Variants in ACSBG1 observed in about 807,000 individuals in gnomAD.
ACSBG1 encodes the protein acyl-CoA synthetase bubblegum family member 1.
In ACSBG1, 39 loss-of-function variants were observed where a neutral mutation model predicts 80.2. The ratio of observed to expected loss-of-function variants is 0.49; its 90% CI spans 0.38 to 0.64. The LOEUF is 0.64. Ranked by LOEUF, ACSBG1 falls within the 30% of genes least tolerant of loss-of-function variation. The pLI is 0.00. For missense variants in ACSBG1, 828 were observed against 966.4 expected, an observed-to-expected ratio of 0.86 and a Z score of 1.90; for synonymous variants, 392 against 379.5, an observed-to-expected ratio of 1.03 and a Z score of -0.38.
In ACSBG1 at chr15:78,174,371, C is replaced by G; in HGVS notation, c.1842+14G>C. On this transcript the variant is annotated intron_variant, in intron 12 of 13. Transcript: ENST00000258873. ...ACTGGCTGCTCCTTCTGAGCTGGAG[C>G]CCCCCAGACACACCTTCAAGGTGAG... 6.2e-7 allele frequency: 1 copy of G among 1,614,054 alleles called. No individual in the cohort carries two copies. The highest frequency in any genetic ancestry group is 8.5e-7 in the Non-Finnish European group (1 of 1,180,002).
chr15:78,171,635 G>A, intron 13 of ACSBG1, 106 bp from the exon 14 acceptor site: 1 of 937,920 alleles, frequency 1.1e-6, no homozygotes, highest in East Asian at 2.7e-5. Flanking sequence ...CAGGAATTAA[G>A]CCAGATAATC....
At position 78,170,804 on chromosome 15, in the gene ACSBG1, T is replaced by C. The variant is rs904017710; in HGVS notation, c.*640A>G. On this transcript the variant is annotated 3_prime_UTR_variant, in exon 14 of 14. Coordinates refer to ENST00000258873, the MANE Select transcript of ACSBG1 (RefSeq NM_015162.5). ...GTTAAATGCCCACTACTCTCTGCAC[T>C]GGTCCCACCTGCTCAATTGACAAAA... is the stretch of plus-strand genomic sequence containing the variant. The C allele has an allele frequency of 2.7e-4, 42 of 153,010 alleles. No individual in the cohort carries two copies. Among genetic ancestry groups the C allele is most frequent in the African/African-American group, 9.9e-4 (41 of 41,582 alleles). 9.5% of individuals were successfully genotyped at this position (153,010 alleles called of 1,614,324 possible).
intron 5 of ACSBG1, among the ~76,000 whole-genome samples, chr15:78,186,640 A>G (rs1376940956): frequency 2.6e-5 from 4 of 152,230 alleles, no homozygotes; most frequent in Non-Finnish European, 4.4e-5. Context: ...ACAAAGACAC[A>G]ACATACCAGA....
chr15:78,207,925 A>AC, intron 2 of ACSBG1, 77 bp downstream of exon 2: 5 of 454,972 alleles, frequency 1.1e-5, no homozygotes, highest in East Asian at 1.2e-4. Flanking sequence ...GGTCCCCCAC[A>AC]CCACCCACCC....
At chr15:78,181,944 G>C in intron 8 of ACSBG1, 25 bp downstream of exon 8, 4 of 1,607,794 alleles carry the variant, frequency 2.5e-6, no homozygotes, top group Non-Finnish European at 3.4e-6. Flanking sequence ...GGGCTCAGAC[G>C]GACACACGGT....
intron 1 of ACSBG1, among the ~76,000 whole-genome samples, chr15:78,229,457 A>G (rs891109221): frequency 6.6e-6 from 1 of 152,190 alleles, no homozygotes; most frequent in Non-Finnish European, 1.5e-5. Flanking sequence ...GTAGGCTAGC[A>G]CACCCCAGAG....
chr15:78,229,220 C>T (rs1034881760), intron 1 of ACSBG1, among the ~76,000 whole-genome samples: 1 of 152,018 alleles, frequency 6.6e-6, no homozygotes, highest in African/African-American at 2.4e-5. Context: ...CAGTGCTTAG[C>T]GCAATGCCTG....
rs186426631 is a variant in ACSBG1 at position 78,168,607 on chromosome 15, T to C, written c.*2837A>G. On this transcript the variant is annotated 3_prime_UTR_variant, in exon 14 of 14. Coordinates refer to ENST00000258873, the MANE Select transcript of ACSBG1 (RefSeq NM_015162.5). ...ATTTAGATTCGCTTTTATTTAAATA[T>C]CCATGACCAACTAATCTGGGTTAGG... 7.2e-5 allele frequency: 15 copies of C among 208,196 alleles called. No individual in the cohort carries two copies. Among genetic ancestry groups the C allele is most frequent in the Non-Finnish European group, 3.8e-5 (4 of 105,110 alleles). The allele number at this position is 208,196 out of a possible 1,614,324, so 12.9% of individuals were successfully genotyped here.
chr15:78,228,353 T>A (rs2075420706), intron 1 of ACSBG1, among the ~76,000 whole-genome samples: 2 of 152,206 alleles, frequency 1.3e-5, no homozygotes, highest in African/African-American at 4.8e-5. Context: ...TGAGTTCCCC[T>A]TCCCTAGAGG....
chr15:78,222,657 A>G (rs1394838616), intron 1 of ACSBG1, among the ~76,000 whole-genome samples: 1 of 152,236 alleles, frequency 6.6e-6, no homozygotes, highest in Non-Finnish European at 1.5e-5. Context: ...TCGCAAAATA[A>G]TAACTAGAAA....
In ACSBG1 at chr15:78,203,188, T is replaced by A. The variant is rs146231300; in HGVS notation, c.232+4814A>T. Reference sequence around the variant, plus strand: ...GTGCTCCACCAACAGGGCACAACCATCAGCTCTGTCCCATGCCCAAACTAA... The same window carrying A: ...GTGCTCCACCAACAGGGCACAACCAACAGCTCTGTCCCATGCCCAAACTAA... On this transcript the variant is annotated intron_variant, in intron 2 of 13. Coordinates refer to ENST00000258873, the MANE Select transcript of ACSBG1 (RefSeq NM_015162.5). Among the ~76,000 whole-genome samples, 352 of 152,168 alleles carry A rather than the reference T, an allele frequency of 2.3e-3. 1 individual carries two copies. Among genetic ancestry groups the A allele is most frequent in the South Asian group, 7.5e-3 (36 of 4,804 alleles).
At chr15:78,225,325 T>A (rs2075390537) in intron 1 of ACSBG1, among the ~76,000 whole-genome samples, 1 of 151,454 alleles carries the variant, frequency 6.6e-6, no homozygotes, top group African/African-American at 2.4e-5. Context: ...TGCTTGAACC[T>A]GGGAGGCAGA....
chr15:78,219,724 C>G (rs760263251), intron 1 of ACSBG1, among the ~76,000 whole-genome samples: 5 of 152,190 alleles, frequency 3.3e-5, no homozygotes, highest in African/African-American at 4.8e-5. Flanking sequence ...GTGGCTAATG[C>G]CTGTAATCCC....
rs1228280790 is a variant in ACSBG1 at position 78,169,760 on chromosome 15, T to C, written c.*1684A>G. The stretch of plus-strand genomic sequence containing the variant: ...AATGAAGCAGAGAGCTAGTACTTCA[T>C]TTTCACTGGATACATTTTCAGCATC... On this transcript the variant is annotated 3_prime_UTR_variant, in exon 14 of 14. Coordinates refer to ENST00000258873, the MANE Select transcript of ACSBG1 (RefSeq NM_015162.5). 2.0e-5 allele frequency: 3 copies of C among 152,242 alleles called. No individual in the cohort carries two copies. Among genetic ancestry groups the C allele is most frequent in the African/African-American group, 7.2e-5 (3 of 41,450 alleles). The allele number at this position is 152,242 out of a possible 1,614,324, so 9.4% of individuals were successfully genotyped here.
chr15:78,213,542 G>A (rs1376263872), intron 1 of ACSBG1: 3 of 152,796 alleles, frequency 2.0e-5, no homozygotes, highest in African/African-American at 7.2e-5. Flanking sequence ...CCAGGTTCCG[G>A]GTGATGAGGC....
At position 78,178,756 on chromosome 15, in the gene ACSBG1, C is replaced by T. The variant is rs750115023; in HGVS notation, c.1560G>A (p.Leu520=). Residue 520 remains leucine, a synonymous_variant, in exon 11 of 14, where the codon CTG becomes CTA. Transcript: ENST00000258873. This position sits in a 1 kb window ranked among gnomAD's most constrained non-coding sequence, Gnocchi z 4.3. ...AGCCCATGAATATGGTGCGGCCCCA[C>T]AGGCAGATCTCGCCAATGCCCTCTG... ...QDAEGIGEIC[L]WGRTIFMGYL... 6.2e-7 allele frequency: 1 copy of T among 1,614,164 alleles called. No individual in the cohort carries two copies. The highest frequency in any genetic ancestry group is 8.5e-7 in the Non-Finnish European group (1 of 1,180,046).
Position 78,173,622 on chromosome 15 carries a change from C to T in ACSBG1, c.2060G>A (p.Arg687Lys). The change falls in exon 13 of 14, where the codon AGA becomes AAA. Residue 687 changes from arginine (R) to lysine (K), a missense_variant. Arg to Lys is a conservative substitution (Grantham distance 26). Transcript: ENST00000258873. ...CTCTCCACCCGAAATGGAGAAGTCT[C>T]TCTCGAGAATGGCCCACTTCTGGAT... ...YHIQKWAILE[R>K]DFSISGGELG... 1 of 1,614,196 alleles carries T rather than the reference C, an allele frequency of 6.2e-7. No homozygotes were observed. Among genetic ancestry groups the T allele is most frequent in the Non-Finnish European group, 8.5e-7 (1 of 1,180,026 alleles).
chr15:78,169,000 G>C lies in ACSBG1; in HGVS notation c.*2444C>G. 6.3e-7 allele frequency: 1 copy of C among 1,589,978 alleles called. No individual in the cohort carries two copies. Among genetic ancestry groups the C allele is most frequent in the Non-Finnish European group, 8.6e-7 (1 of 1,159,642 alleles). On this transcript the variant is annotated 3_prime_UTR_variant, in exon 14 of 14. Transcript: ENST00000258873. Reference sequence around the variant, plus strand: ...AATCTGTCGCCGAGTAAAAGATTTAGATTAACACTTCTACAACTGGCATTT... The same window carrying C: ...AATCTGTCGCCGAGTAAAAGATTTACATTAACACTTCTACAACTGGCATTT...
rs2074766685 is a variant in ACSBG1, at chr15:78,167,974, G to A, written c.*3470C>T. ...GGAAGTTATAATCTACAGCCCAGTA[G>A]AGAGGTGCCTGAATTACATAGTGGG... On this transcript the variant is annotated 3_prime_UTR_variant, in exon 14 of 14. Coordinates refer to ENST00000258873, the MANE Select transcript of ACSBG1 (RefSeq NM_015162.5). 6.6e-6 allele frequency: 1 copy of A among 152,196 alleles called. No individual in the cohort carries two copies. Among genetic ancestry groups the A allele is most frequent in the African/African-American group, 2.4e-5 (1 of 41,432 alleles). 9.4% of individuals were successfully genotyped at this position (152,196 alleles called of 1,614,324 possible).
Sources: gnomAD v4.1 joint callset for allele counts (sites outside exome capture counted in the v4.1 genomes callset) on GRCh38, gnomAD v4.1.1 for gene constraint, Gnocchi (gnomAD v3.1) non-coding constraint, MANE v1.5 for transcripts, NCBI Gene and HGNC (gene_info 2026-07-23, HGNC 2026-07-21) for gene names.